THG1L: variants seen among roughly 807,000 people sequenced by gnomAD.
THG1L encodes the protein tRNA-histidine guanylyltransferase 1 like.
THG1L carries 27 observed loss-of-function variants against 35.2 expected under a neutral mutation model. The ratio of observed to expected loss-of-function variants is 0.77; its 90% CI spans 0.57 to 1.06. THG1L has a LOEUF of 1.06. Among genes scored for constraint, THG1L ranks in the 50% least tolerant of loss-of-function variants. The probability of loss-of-function intolerance (pLI) is 0.00; values close to 1 mark genes in which losing one functional copy is unlikely to be tolerated. For synonymous variants in THG1L, 135 were observed against 132.4 expected, an observed-to-expected ratio of 1.02 and a Z score of -0.14; for missense variants, 377 against 371.8, an observed-to-expected ratio of 1.01 and a Z score of -0.12.
intron 5 of THG1L, 33 bp downstream of exon 5, chr5:157,738,027 T>C (rs368700939): frequency 6.4e-7 from 1 of 1,565,180 alleles, no homozygotes. Context: ...AAAATGGAAG[T>C]CAGGAAAAAA....
intron 4 of THG1L, among the ~76,000 whole-genome samples, chr5:157,737,275 T>C (rs1349653988): frequency 6.6e-6 from 1 of 152,164 alleles, no homozygotes; most frequent in African/African-American, 2.4e-5. Flanking sequence ...GTGGATCACC[T>C]GACGTCAGGA....
Position 157,731,485 on chromosome 5 carries a change from C to G in THG1L, c.45C>G (p.Thr15=), listed in dbSNP as rs374076909. 23 of 1,610,046 alleles carry G rather than the reference C, an allele frequency of 1.4e-5. No homozygotes were observed. The African/African-American group carries it at 2.3e-4, about 16-fold the overall frequency. The stretch of plus-strand genomic sequence containing the variant: ...TTAAGGTTCACGATTCCTTGGCCAC[C>G]ATTTCCATCACTCTGAGACGGTACC... ...CKVKVHDSLA[T]ISITLRRYLR... Residue 15 remains threonine (T), a synonymous_variant, in exon 1 of 6, where the codon ACC becomes ACG. Coordinates refer to ENST00000231198, the MANE Select transcript of THG1L (RefSeq NM_017872.5).
At chr5:157,738,649 A>G in intron 5 of THG1L, 1 of 436,156 alleles carries the variant, frequency 2.3e-6, no homozygotes, top group Non-Finnish European at 4.5e-6. Context: ...AGAGCTAGTC[A>G]TTCCACTGGC....
intron 5 of THG1L, 80 bp downstream of exon 5, chr5:157,738,074 C>T: frequency 1.9e-6 from 2 of 1,068,074 alleles, no homozygotes; most frequent in Non-Finnish European, 2.8e-6. Context: ...GCCCTCCCTG[C>T]TGCCTGTATG....
Position 157,731,473 on chromosome 5 carries a change from T to G in THG1L, c.33T>G (p.Asp11Glu), listed in dbSNP as rs755018680. ...GCGCCTGTAAAGTTAAGGTTCACGA[T>G]TCCTTGGCCACCATTTCCATCACTC... MWGACKVKVHDSLATISITLR... is the reference protein window; with the variant it reads MWGACKVKVHESLATISITLR... Residue 11 changes from aspartate (D) to glutamate (E), a missense_variant, in exon 1 of 6, where the codon GAT becomes GAG. Asp to Glu is a conservative substitution (Grantham distance 45). Coordinates refer to ENST00000231198, the MANE Select transcript of THG1L (RefSeq NM_017872.5). The G allele has an allele frequency of 8.7e-6, 14 of 1,609,906 alleles. No homozygotes were observed. The highest frequency in any genetic ancestry group is 1.2e-5 in the Non-Finnish European group (14 of 1,177,912).
rs1182348077 is a variant in THG1L at position 157,741,427 on chromosome 5, AAAT to A, written c.*1948_*1950del. On this transcript the variant is annotated 3_prime_UTR_variant, in exon 6 of 6. Transcript: ENST00000231198. ...ATTGCTAAAATCTCTTTGAGGAAAGAAATAAAGATGTCAACTCCTTTGGCCTGC... is the reference window on the plus strand; with the variant it reads ...ATTGCTAAAATCTCTTTGAGGAAAGAAAAGATGTCAACTCCTTTGGCCTGC... 1 of 152,168 alleles carries A rather than the reference AAAT, an allele frequency of 6.6e-6. No individual in the cohort carries two copies. Among genetic ancestry groups the A allele is most frequent in the Non-Finnish European group, 1.5e-5 (1 of 68,006 alleles). 9.4% of individuals were successfully genotyped at this position (152,168 alleles called of 1,614,324 possible).
rs1253867223 is a variant in THG1L, at chr5:157,739,475, A to G, written c.890A>G (p.Asp297Gly). The change falls in exon 6 of 6, where the codon GAC becomes GGC. Residue 297 changes from aspartate to glycine, a missense_variant. By Grantham distance (94) the Asp-to-Gly change is moderately conservative (BLOSUM62 -1). Transcript: ENST00000231198. ...WKEHPEILDE[D>G]S ...GAACATCCAGAGATTCTAGATGAAGACAGCTGACCCTTTTGCGCTTCAGTT... is the reference window on the plus strand; with the variant it reads ...GAACATCCAGAGATTCTAGATGAAGGCAGCTGACCCTTTTGCGCTTCAGTT... 1 of 1,611,904 alleles carries G rather than the reference A, an allele frequency of 6.2e-7. No homozygotes were observed. The highest frequency in any genetic ancestry group is 8.5e-7 in the Non-Finnish European group (1 of 1,178,970).
At chr5:157,737,835 A>G in intron 4 of THG1L, 52 bp from the exon 5 acceptor site, 1 of 1,438,720 alleles carries the variant, frequency 7.0e-7, no homozygotes, top group Non-Finnish European at 9.7e-7. Flanking sequence ...TAGTAGCACT[A>G]GGGGAGAAAG....
chr5:157,731,719 AG>A (rs1760727741), intron 1 of THG1L, 88 bp downstream of exon 1: 2 of 1,483,952 alleles, frequency 1.3e-6, no homozygotes, highest in Non-Finnish European at 1.8e-6. Context: ...CGCCCGCTCC[AG>A]TCACGGTTAC....
At chr5:157,739,151 A>G (rs1313560482) in intron 5 of THG1L, among the ~76,000 whole-genome samples, 170 bp from the exon 6 acceptor site, 1 of 152,146 alleles carries the variant, frequency 6.6e-6, no homozygotes, top group East Asian at 1.9e-4. Context: ...ATGTATATAT[A>G]CACACATACA....
At chr5:157,735,400 G>C (rs1390162412) in intron 3 of THG1L, among the ~76,000 whole-genome samples, 1 of 152,066 alleles carries the variant, frequency 6.6e-6, no homozygotes, top group Non-Finnish European at 1.5e-5. Context: ...GTTCCTCTGG[G>C]GTCACCCACT....
intron 4 of THG1L, among the ~76,000 whole-genome samples, chr5:157,737,482 A>G (rs1036696202): frequency 2.8e-5 from 4 of 143,762 alleles, no homozygotes; most frequent in Non-Finnish European, 6.2e-5. Flanking sequence ...GACTTTGTCT[A>G]AAAAAAAAAA....
rs916901388 is a variant in THG1L at position 157,739,203 on chromosome 5, C to G, written c.736-118C>G. 11 of 847,070 alleles carry G rather than the reference C, an allele frequency of 1.3e-5. No individual in the cohort carries two copies. The South Asian group carries it at 2.0e-4, about 16-fold the overall frequency. 52.5% of individuals were successfully genotyped at this position (847,070 alleles called of 1,614,324 possible). A position where few individuals can be genotyped will look rare whatever the true frequency, so the allele number is the denominator to read the frequency against. On this transcript the variant is annotated intron_variant, in intron 5 of 5. Coordinates refer to ENST00000231198, the MANE Select transcript of THG1L (RefSeq NM_017872.5). ...TACACATATTTATATCTATATATAT[C>G]TCAAATCTGGCAGTCGGAAGTATAT...
intron 5 of THG1L, among the ~76,000 whole-genome samples, chr5:157,738,909 C>T (rs985680102): frequency 8.0e-5 from 12 of 150,178 alleles, no homozygotes; most frequent in African/African-American, 2.9e-4. Flanking sequence ...ACTGCAACCT[C>T]CCCGTCCTGG....
chr5:157,737,967 G>C lies in THG1L; in HGVS notation c.708G>C (p.Arg236Ser). 1 of 1,612,842 alleles carries C rather than the reference G, an allele frequency of 6.2e-7. No homozygotes were observed. The highest frequency in any genetic ancestry group is 8.5e-7 in the Non-Finnish European group (1 of 1,179,402). The stretch of plus-strand genomic sequence containing the variant: ...ATAATAATGAGCTGCCGATGTATAG[G>C]AAAGGGACTGTGTTGATATGGCAGA... ...INYNNELPMY[R>S]KGTVLIWQKV... is the part of the protein sequence containing the mutation. The change falls in exon 5 of 6, where the codon AGG (arginine) becomes AGC (serine). Residue 236 changes from arginine to serine, a missense_variant. Physicochemically the swap from Arg to Ser is moderately radical, Grantham distance 110. Coordinates refer to ENST00000231198, the MANE Select transcript of THG1L (RefSeq NM_017872.5).
At chr5:157,733,611 A>G (rs936292024) in intron 2 of THG1L, among the ~76,000 whole-genome samples, 2 of 152,056 alleles carry the variant, frequency 1.3e-5, no homozygotes, top group African/African-American at 2.4e-5. Context: ...GATTACAGAC[A>G]TGAGCCACCA....
intron 1 of THG1L, among the ~76,000 whole-genome samples, chr5:157,732,556 A>G (rs1760756716): frequency 6.6e-6 from 1 of 152,232 alleles, no homozygotes; most frequent in Non-Finnish European, 1.5e-5. Context: ...TTGAGCACTT[A>G]CTAGGAGCTA....
chr5:157,735,961 T>C (rs745326323), intron 4 of THG1L, 27 bp downstream of exon 4: 10 of 1,477,744 alleles, frequency 6.8e-6, no homozygotes, highest in African/African-American at 2.8e-5. Context: ...ACATTAATAC[T>C]TAACTGGGGA....
Position 157,739,571 on chromosome 5 carries a change from A to C in THG1L, c.*89A>C. 1.4e-6 allele frequency: 2 copies of C among 1,448,582 alleles called. No homozygotes were observed. The highest frequency in any genetic ancestry group is 1.9e-6 in the Non-Finnish European group (2 of 1,078,216). 89.7% of individuals were successfully genotyped at this position (1,448,582 alleles called of 1,614,324 possible). ...TGCCTTAGGTGGCTGTAGCATCCCT[A>C]CCACCCAGGACACTGGTGCGAATGA... On this transcript the variant is annotated 3_prime_UTR_variant, in exon 6 of 6. Coordinates refer to ENST00000231198, the MANE Select transcript of THG1L (RefSeq NM_017872.5).
Sources: allele counts gnomAD v4.1 joint callset (sites outside exome capture counted in the v4.1 genomes callset), GRCh38; gene constraint gnomAD v4.1.1; transcripts MANE v1.5; gene names NCBI Gene and HGNC (gene_info 2026-07-23, HGNC 2026-07-21).